Variants in ITSN1 observed in about 807,000 individuals in gnomAD.
ITSN1 encodes intersectin-1.
ITSN1 carries 58 observed loss-of-function variants against 239.8 expected under a neutral mutation model. The observed-to-expected ratio is 0.24, with a 90% CI of 0.20 to 0.30. ITSN1 has a LOEUF of 0.30. ITSN1 is among the 10% of genes least tolerant of loss of function. ITSN1 has a pLI of 1.00. For synonymous variants in ITSN1, 780 were observed against 770.8 expected, an observed-to-expected ratio of 1.01 and a Z score of -0.20; for missense variants, 1,558 against 2,103.3, an observed-to-expected ratio of 0.74 and a Z score of 5.07.
chr21:33,698,742 C>T (rs940959850), intron 1 of ITSN1, among the ~76,000 whole-genome samples: 1 of 152,100 alleles, frequency 6.6e-6, no homozygotes, highest in Non-Finnish European at 1.5e-5. Context: ...GTACCTCTTG[C>T]CTTTATGTGT....
intron 24 of ITSN1, among the ~76,000 whole-genome samples, chr21:33,819,593 C>G (rs962672532): frequency 6.6e-6 from 1 of 152,214 alleles, no homozygotes; most frequent in African/African-American, 2.4e-5. Flanking sequence ...CACTAAGAAT[C>G]GAGTTTTCCG....
intron 1 of ITSN1, among the ~76,000 whole-genome samples, chr21:33,712,265 T>A (rs769710865): frequency 7.2e-5 from 11 of 152,178 alleles, no homozygotes; most frequent in South Asian, 2.1e-4. Flanking sequence ...TCCTGGACAT[T>A]GTGAGTTTCA....
intron 4 of ITSN1, among the ~76,000 whole-genome samples, chr21:33,725,133 G>GT (rs1171718411): frequency 0.017 from 1,559 of 91,198 alleles, 25 homozygotes; most frequent in Middle Eastern, 0.05. Flanking sequence ...TTTTTTTTTT[G>GT]TTTTTTTTTT....
chr21:33,893,935 A>C lies in ITSN1; in HGVS notation c.*5635A>C, dbSNP rs1452535992. On this transcript the variant is annotated 3_prime_UTR_variant, in exon 40 of 40. Transcript: ENST00000381318. ...ACATCTAACAGCTGTCTGTCTTGGGAGCATTAAAACCCAGACACCAAGACA... is the reference window on the plus strand; with the variant it reads ...ACATCTAACAGCTGTCTGTCTTGGGCGCATTAAAACCCAGACACCAAGACA... The C allele has an allele frequency of 6.6e-6, 1 of 152,148 alleles. No individual in the cohort carries two copies. Among genetic ancestry groups the C allele is most frequent in the Non-Finnish European group, 1.5e-5 (1 of 68,018 alleles). The allele number at this position is 152,148 out of a possible 1,614,324, so 9.4% of individuals were successfully genotyped here.
At position 33,882,431 on chromosome 21, in the gene ITSN1, C is replaced by T. The variant is rs144374666; in HGVS notation, c.4530C>T (p.Asn1510=). The change falls in exon 35 of 40, where the codon AAC becomes AAT. Residue 1510 remains asparagine, a synonymous_variant. Transcript: ENST00000381318. The surrounding 1 kb of genome is among the most constrained non-coding windows in gnomAD (Gnocchi z 4.5). ...ACAAAGTCTTCAGCCCCAAATCAAA[C>T]CTGCAGTATAAAATGTATAAAACAG... ...GTDKVFSPKS[N]LQYKMYKTPI... is the part of the protein sequence containing the mutation. 7.6e-5 allele frequency: 123 copies of T among 1,613,948 alleles called. No individual in the cohort carries two copies. Among genetic ancestry groups the T allele is most frequent in the Middle Eastern group, 1.6e-4 (1 of 6,084 alleles).
At chr21:33,876,022 C>T (rs1983676869) in intron 34 of ITSN1, among the ~76,000 whole-genome samples, 1 of 152,126 alleles carries the variant, frequency 6.6e-6, no homozygotes, top group African/African-American at 2.4e-5. Flanking sequence ...TTCCCATTGC[C>T]AGAAGTTCTA....
chr21:33,642,932 C>T (rs1049724304), intron 1 of ITSN1, among the ~76,000 whole-genome samples: 1 of 150,872 alleles, frequency 6.6e-6, no homozygotes, highest in Non-Finnish European at 1.5e-5. Flanking sequence ...GGCGGAGTGG[C>T]GGGCGGACCC....
rs554921474 is a variant in ITSN1, at chr21:33,883,486, C to T, written c.4555-64C>T. The stretch of plus-strand genomic sequence containing the variant: ...ATTGGCATAAGTGTGCTCACACACT[C>T]ACGGTTTACCGGAGCACACAGACCC... On this transcript the variant is annotated intron_variant, in intron 35 of 39. Coordinates refer to ENST00000381318, the MANE Select transcript of ITSN1 (RefSeq NM_003024.3). 180 of 1,594,718 alleles carry T rather than the reference C, an allele frequency of 1.1e-4. No individual in the cohort carries two copies. In the African/African-American group the frequency reaches 2.1e-3, roughly 19 times the overall value.
intron 20 of ITSN1, among the ~76,000 whole-genome samples, chr21:33,809,737 A>T (rs1379986802): frequency 6.6e-6 from 1 of 152,208 alleles, no homozygotes; most frequent in Admixed American, 6.5e-5. Flanking sequence ...AGGAAGGGGT[A>T]AAAATAAGAT....
chr21:33,654,631 G>T (rs984202065), intron 1 of ITSN1, among the ~76,000 whole-genome samples: 2 of 152,064 alleles, frequency 1.3e-5, no homozygotes, highest in African/African-American at 2.4e-5. Context: ...GACCAACCTG[G>T]CCCAATCAGT....
At chr21:33,725,104 TAA>T (rs778135264) in intron 4 of ITSN1, among the ~76,000 whole-genome samples, 170 of 133,342 alleles carry the variant, frequency 1.3e-3, no homozygotes, top group East Asian at 0.011. Flanking sequence ...CCCTCATCTT[TAA>T]AAAAAAAAAA....
At chr21:33,877,872 T>G (rs1984219776) in intron 34 of ITSN1, among the ~76,000 whole-genome samples, 1 of 149,540 alleles carries the variant, frequency 6.7e-6, no homozygotes, top group African/African-American at 2.5e-5. Flanking sequence ...CCAGTTTTCT[T>G]GGAGTTAAAA....
intron 1 of ITSN1, 97 bp from the exon 2 acceptor site, chr21:33,718,700 A>G: frequency 1.3e-6 from 1 of 788,870 alleles, no homozygotes; most frequent in Non-Finnish European, 2.2e-6. Flanking sequence ...TGGCTCTAGT[A>G]TTAGTCCTCT....
chr21:33,685,635 A>G (rs1051024375), intron 1 of ITSN1, among the ~76,000 whole-genome samples: 9 of 151,908 alleles, frequency 5.9e-5, no homozygotes, highest in Admixed American at 1.3e-4. Flanking sequence ...AAAAAAAAAA[A>G]AAATTCTCTT....
chr21:33,817,283 T>C (rs1422567071), intron 22 of ITSN1: 3 of 1,304,392 alleles, frequency 2.3e-6, no homozygotes, highest in East Asian at 5.5e-5. Flanking sequence ...CAGCCCCGGA[T>C]TGTGCTTCTC....
chr21:33,854,253 C>G (rs750726821), intron 29 of ITSN1, among the ~76,000 whole-genome samples: 58 of 152,190 alleles, frequency 3.8e-4, no homozygotes, highest in African/African-American at 1.4e-3. Flanking sequence ...GTGGCCACTA[C>G]GGGCCTGATG....
chr21:33,881,406 CAAAAAAAA>C (rs1207634551), intron 34 of ITSN1, among the ~76,000 whole-genome samples: 1 of 75,054 alleles, frequency 1.3e-5, no homozygotes, highest in Non-Finnish European at 2.8e-5. Context: ...GACTCTGTCT[CAAAAAAAA>C]AAAAAAAAAA....
Position 33,881,850 on chromosome 21 carries a change from G to C in ITSN1, c.4342-393G>C, listed in dbSNP as rs371750599. Among the ~76,000 whole-genome samples the C allele has an allele frequency of 1.5e-4, 22 of 150,334 alleles. 2 individuals carry two copies. Among genetic ancestry groups the C allele is most frequent in the East Asian group, 9.9e-4 (5 of 5,042 alleles). ...TTTTTCACATGTGTTGGGGGGCTGAGATGGGAGAATTGCTTGAACCTGGGA... is the reference window on the plus strand; with the variant it reads ...TTTTTCACATGTGTTGGGGGGCTGACATGGGAGAATTGCTTGAACCTGGGA... On this transcript the variant is annotated intron_variant, in intron 34 of 39. Coordinates refer to ENST00000381318, the MANE Select transcript of ITSN1 (RefSeq NM_003024.3).
chr21:33,850,670 G>C (rs184729794), intron 29 of ITSN1, among the ~76,000 whole-genome samples: 3 of 152,326 alleles, frequency 2.0e-5, no homozygotes, highest in Admixed American at 2.0e-4. Flanking sequence ...TCATGGCTTG[G>C]AGAACGCTGG....
Sources: allele counts gnomAD v4.1 joint callset (sites outside exome capture counted in the v4.1 genomes callset), GRCh38; gene constraint gnomAD v4.1.1; non-coding constraint Gnocchi (gnomAD v3.1); transcripts MANE v1.5; gene names NCBI Gene and HGNC (gene_info 2026-07-23, HGNC 2026-07-21).